UBLCP1: variants seen among roughly 807,000 people sequenced by gnomAD.
UBLCP1 encodes ubiquitin-like domain-containing CTD phosphatase 1.
Under a neutral mutation model 42.4 loss-of-function variants are expected in UBLCP1, and 28 were observed. The observed-to-expected ratio is 0.66, with a 90% CI of 0.49 to 0.90. The LOEUF (loss-of-function observed/expected upper bound fraction) is 0.90, where lower values mean the gene tolerates loss of function less well. Ranked by LOEUF, UBLCP1 falls within the 40% of genes least tolerant of loss-of-function variation. The probability of loss-of-function intolerance (pLI) is 0.00; values close to 1 mark genes in which losing one functional copy is unlikely to be tolerated. For synonymous variants in UBLCP1, 122 were observed against 120.8 expected, an observed-to-expected ratio of 1.01 and a Z score of -0.07; for missense variants, 279 against 374.5, an observed-to-expected ratio of 0.75 and a Z score of 2.10.
chr5:159,266,325 C>T (rs767560669), intron 1 of UBLCP1, among the ~76,000 whole-genome samples: 1 of 152,106 alleles, frequency 6.6e-6, no homozygotes, highest in Non-Finnish European at 1.5e-5. Flanking sequence ...AACATTTTGC[C>T]CCTGCCCTAG....
At chr5:159,278,565 G>C (rs1186233960) in intron 9 of UBLCP1, among the ~76,000 whole-genome samples, 1 of 151,786 alleles carries the variant, frequency 6.6e-6, no homozygotes, top group East Asian at 1.9e-4. Context: ...CCAAGTATTT[G>C]TTTGTTTATT....
At chr5:159,272,405 T>G (rs1234035149) in intron 6 of UBLCP1, among the ~76,000 whole-genome samples, 1 of 151,880 alleles carries the variant, frequency 6.6e-6, no homozygotes, top group Non-Finnish European at 1.5e-5. Flanking sequence ...AAGTTTTTCC[T>G]TCTGATTTTT....
intron 6 of UBLCP1, chr5:159,274,258 G>T: frequency 5.0e-6 from 1 of 198,792 alleles, no homozygotes. Flanking sequence ...CCAAGTTTAA[G>T]TTTGGAATTG....
intron 1 of UBLCP1, among the ~76,000 whole-genome samples, chr5:159,267,037 C>CA (rs1003498107): frequency 1.3e-5 from 2 of 152,190 alleles, no homozygotes; most frequent in Non-Finnish European, 2.9e-5. Context: ...CCTACTGGGG[C>CA]ACTGCCTAGT....
intron 9 of UBLCP1, among the ~76,000 whole-genome samples, chr5:159,281,503 T>G (rs1753606187): frequency 6.6e-6 from 1 of 152,116 alleles, no homozygotes; most frequent in Admixed American, 6.5e-5. Flanking sequence ...CACTACCTTT[T>G]TGGAAGTGGG....
intron 1 of UBLCP1, among the ~76,000 whole-genome samples, chr5:159,264,258 T>C (rs2113306911): frequency 6.6e-6 from 1 of 152,316 alleles, no homozygotes. Flanking sequence ...TATTCTTTGC[T>C]TGCTTGTTTG....
chr5:159,283,051 T>G (rs1318921468), intron 9 of UBLCP1, among the ~76,000 whole-genome samples, 161 bp from the exon 10 acceptor site: 1 of 152,078 alleles, frequency 6.6e-6, no homozygotes, highest in African/African-American at 2.4e-5. Flanking sequence ...TTTGTAAACA[T>G]TATACATGAC....
chr5:159,273,586 AAT>A (rs1265335013), intron 6 of UBLCP1, among the ~76,000 whole-genome samples: 2 of 152,168 alleles, frequency 1.3e-5, no homozygotes, highest in African/African-American at 4.8e-5. Flanking sequence ...GTTACTTAAT[AAT>A]TAGAAACTTT....
At chr5:159,280,078 CAGT>C (rs1753590499) in intron 9 of UBLCP1, among the ~76,000 whole-genome samples, 1 of 152,132 alleles carries the variant, frequency 6.6e-6, no homozygotes, top group African/African-American at 2.4e-5. Context: ...AGACTGTACT[CAGT>C]AGACCCACTG....
intron 6 of UBLCP1, chr5:159,274,375 G>T: frequency 2.5e-6 from 1 of 406,492 alleles, no homozygotes; most frequent in Non-Finnish European, 4.5e-6. Context: ...ACAGATAAAA[G>T]TTGTTTAAAA....
At chr5:159,282,596 T>A (rs1753621533) in intron 9 of UBLCP1, among the ~76,000 whole-genome samples, 2 of 152,144 alleles carry the variant, frequency 1.3e-5, no homozygotes, top group Admixed American at 1.3e-4. Flanking sequence ...CTCTTTTTCA[T>A]CATAAAATAG....
rs1753507952 is a variant in UBLCP1, at chr5:159,274,335, G to T, written c.548-250G>T. ...GATTTATAAATTTCCTAGGTTCAGA[G>T]TTCTTTTGAGCATGGATTACCTGTA... On this transcript the variant is annotated intron_variant, in intron 6 of 10. Coordinates refer to ENST00000296786, the MANE Select transcript of UBLCP1 (RefSeq NM_145049.5). 4 of 328,936 alleles carry T rather than the reference G, an allele frequency of 1.2e-5. No homozygotes were observed. The East Asian group carries it at 2.1e-4, about 17-fold the overall frequency. The allele number at this position is 328,936 out of a possible 1,614,324, so 20.4% of individuals were successfully genotyped here.
chr5:159,275,542 C>G (rs1753524209), intron 8 of UBLCP1, among the ~76,000 whole-genome samples: 1 of 150,454 alleles, frequency 6.6e-6, no homozygotes, highest in South Asian at 2.1e-4. Context: ...TCCTGAGTAG[C>G]TGGGACTACA....
chr5:159,278,952 T>G (rs1753572715), intron 9 of UBLCP1, among the ~76,000 whole-genome samples: 1 of 152,218 alleles, frequency 6.6e-6, no homozygotes, highest in South Asian at 2.1e-4. Context: ...AGTGAAATCA[T>G]TAGTTATTTT....
intron 9 of UBLCP1, among the ~76,000 whole-genome samples, chr5:159,279,614 G>A (rs1753582559): frequency 6.6e-6 from 1 of 152,178 alleles, no homozygotes; most frequent in South Asian, 2.1e-4. Flanking sequence ...TGTTTACAAT[G>A]AGGATATTTT....
chr5:159,273,834 TCACACACACACACACACA>T (rs34999232), intron 6 of UBLCP1, among the ~76,000 whole-genome samples: 7 of 148,568 alleles, frequency 4.7e-5, no homozygotes, highest in African/African-American at 9.9e-5. Flanking sequence ...CTTTTAAAAA[TCACACACACACACACACA>T]CACACACACA....
chr5:159,271,588 G>A (rs1753468175), intron 5 of UBLCP1, among the ~76,000 whole-genome samples: 1 of 152,230 alleles, frequency 6.6e-6, no homozygotes, highest in South Asian at 2.1e-4. Flanking sequence ...TAAAACATAA[G>A]TTAATGTACA....
intron 6 of UBLCP1, among the ~76,000 whole-genome samples, chr5:159,273,810 A>G (rs1753499965): frequency 6.7e-6 from 1 of 149,632 alleles, no homozygotes. Context: ...TTGAGAACTC[A>G]GGTTCCTCTT....
chr5:159,271,909 G>A (rs957403608), intron 5 of UBLCP1, 114 bp from the exon 6 acceptor site: 1 of 665,118 alleles, frequency 1.5e-6, no homozygotes, highest in African/African-American at 1.8e-5. Flanking sequence ...GAAGCAGTTT[G>A]CAATGAAATG....
Sources: gnomAD v4.1 joint callset for allele counts (sites outside exome capture counted in the v4.1 genomes callset) on GRCh38, gnomAD v4.1.1 for gene constraint, MANE v1.5 for transcripts, NCBI Gene and HGNC (gene_info 2026-07-23, HGNC 2026-07-21) for gene names.